The following SLIT2 variants were observed in gnomAD, a reference collection of about 807,000 sequenced individuals.
The protein encoded by SLIT2 is slit homolog 2 protein.
A neutral mutation model predicts 185.7 loss-of-function variants in SLIT2; 41 were observed. The observed-to-expected ratio is 0.22, with a 90% CI of 0.17 to 0.29. The LOEUF is 0.29. SLIT2 is among the 10% of genes least tolerant of loss of function. SLIT2 has a pLI of 1.00. For missense variants in SLIT2, 1,571 were observed against 1,909.0 expected (o/e 0.82, Z 3.30); for synonymous variants, 693 against 680.2 (o/e 1.02, Z -0.29).
intron 9 of SLIT2, among the ~76,000 whole-genome samples, chr4:20,498,890 T>A (rs1019335543): frequency 2.6e-5 from 4 of 152,228 alleles, no homozygotes; most frequent in Admixed American, 2.6e-4. Flanking sequence ...TGAGTGAAAG[T>A]GTCTTATATA....
intron 5 of SLIT2, among the ~76,000 whole-genome samples, chr4:20,476,841 G>A (rs1423658388): frequency 6.6e-6 from 1 of 152,152 alleles, no homozygotes; most frequent in Admixed American, 6.6e-5. Context: ...GTTTCAGGAT[G>A]CCAAGTAAGC....
At chr4:20,427,482 A>G (rs563726431) in intron 4 of SLIT2, among the ~76,000 whole-genome samples, 3 of 152,314 alleles carry the variant, frequency 2.0e-5, no homozygotes, top group Non-Finnish European at 2.9e-5. Context: ...CTAAAAGTTG[A>G]AAGCATATGG....
In SLIT2 at chr4:20,555,853, T is replaced by C. The variant is rs183276649; in HGVS notation, c.2725+1885T>C. The stretch of plus-strand genomic sequence containing the variant: ...GATCCCCCTTAATATATTGCATTGT[T>C]TTTTTCTTAAACTGTATTTTCTCCT... On this transcript the variant is annotated intron_variant, in intron 26 of 36. Transcript: ENST00000504154. 7.0e-4 allele frequency among the ~76,000 whole-genome samples: 106 copies of C among 152,140 alleles called. 5 individuals carry two copies. The highest frequency in any genetic ancestry group is 2.2e-3 in the African/African-American group (91 of 41,440).
intron 9 of SLIT2, among the ~76,000 whole-genome samples, chr4:20,505,641 TTA>T (rs1191504008): frequency 6.6e-6 from 1 of 152,040 alleles, no homozygotes; most frequent in Non-Finnish European, 1.5e-5. Context: ...ACCAAAACCA[TTA>T]GTTTATTTTA....
At chr4:20,354,891 G>A (rs928439949) in intron 4 of SLIT2, among the ~76,000 whole-genome samples, 1 of 49,556 alleles carries the variant, frequency 2.0e-5, no homozygotes, top group African/African-American at 1.0e-4. Flanking sequence ...GTCTGCGTGT[G>A]TGTGTGTGTG....
chr4:20,481,597 T>A (rs1716709043), intron 6 of SLIT2, among the ~76,000 whole-genome samples: 1 of 152,220 alleles, frequency 6.6e-6, no homozygotes, highest in Admixed American at 6.5e-5. Context: ...GAAAATTTAG[T>A]CAGAAATCTA....
chr4:20,373,228 T>C (rs1382257581), intron 4 of SLIT2, among the ~76,000 whole-genome samples: 2 of 152,140 alleles, frequency 1.3e-5, no homozygotes, highest in Non-Finnish European at 2.9e-5. Context: ...ATTATCATAC[T>C]CAAGAAAACT....
chr4:20,511,593 T>TTATTTTTTTTA (rs1553915386), intron 11 of SLIT2, among the ~76,000 whole-genome samples: 1 of 134,246 alleles, frequency 7.4e-6, no homozygotes, highest in South Asian at 2.4e-4. Flanking sequence ...GCTAATTTTT[T>TTATTTTTTTTA]TTTTTTTTTT....
At chr4:20,412,617 T>A (rs1727346005) in intron 4 of SLIT2, among the ~76,000 whole-genome samples, 1 of 152,068 alleles carries the variant, frequency 6.6e-6, no homozygotes, top group Non-Finnish European at 1.5e-5. Context: ...GCCTGATAAG[T>A]TACCTTATTA....
chr4:20,537,469 A>G (rs1722399958), intron 18 of SLIT2, among the ~76,000 whole-genome samples: 1 of 151,922 alleles, frequency 6.6e-6, no homozygotes, highest in Admixed American at 6.6e-5. Context: ...ACACAGTTGA[A>G]CCCGAAACAC....
intron 4 of SLIT2, among the ~76,000 whole-genome samples, chr4:20,285,048 T>G (rs534464418): frequency 6.6e-6 from 1 of 152,358 alleles, no homozygotes; most frequent in Admixed American, 6.5e-5. Context: ...CATCCAGCAA[T>G]TTATTCCTTT....
chr4:20,404,830 T>A (rs1391305321), intron 4 of SLIT2, among the ~76,000 whole-genome samples: 1 of 152,066 alleles, frequency 6.6e-6, no homozygotes, highest in African/African-American at 2.4e-5. Context: ...CATTACAGTA[T>A]CTTGTAAAGA....
At chr4:20,606,263 G>A (rs1728790647) in intron 33 of SLIT2, among the ~76,000 whole-genome samples, 1 of 152,120 alleles carries the variant, frequency 6.6e-6, no homozygotes, top group Non-Finnish European at 1.5e-5. Context: ...GGGAGGCCAA[G>A]CCAGGAAGAT....
intron 31 of SLIT2, 60 bp downstream of exon 31, chr4:20,595,894 A>G (rs1560225637): frequency 1.2e-5 from 16 of 1,337,526 alleles, no homozygotes; most frequent in Non-Finnish European, 1.4e-5. Context: ...CAGGGTGACT[A>G]TAGTCAGTAA....
chr4:20,268,939 G>A, intron 4 of SLIT2, 58 bp downstream of exon 4: 3 of 1,025,978 alleles, frequency 2.9e-6, no homozygotes, highest in Non-Finnish European at 3.1e-6. Flanking sequence ...TTTATTAAAT[G>A]TATTTTGGAT....
At chr4:20,463,947 C>T (rs939302574) in intron 4 of SLIT2, among the ~76,000 whole-genome samples, 1 of 151,750 alleles carries the variant, frequency 6.6e-6, no homozygotes, top group Non-Finnish European at 1.5e-5. Context: ...GATTTCCCAA[C>T]TTCATTAATG....
intron 4 of SLIT2, among the ~76,000 whole-genome samples, chr4:20,347,345 A>T (rs2109252248): frequency 6.6e-6 from 1 of 152,344 alleles, no homozygotes; most frequent in South Asian, 2.1e-4. Flanking sequence ...ACTTTGCCAA[A>T]TATTTAAGTA....
chr4:20,305,610 T>C (rs974568772), intron 4 of SLIT2, among the ~76,000 whole-genome samples: 2 of 151,782 alleles, frequency 1.3e-5, no homozygotes, highest in African/African-American at 4.8e-5. Flanking sequence ...TGGTGGCTCA[T>C]GCCTATAATC....
intron 4 of SLIT2, among the ~76,000 whole-genome samples, chr4:20,388,925 A>G (rs953953861): frequency 2.7e-5 from 4 of 145,862 alleles, no homozygotes; most frequent in African/African-American, 9.9e-5. Flanking sequence ...TATATATAAT[A>G]TATAATATAT....
Sources: allele counts gnomAD v4.1 joint callset (sites outside exome capture counted in the v4.1 genomes callset), GRCh38; gene constraint gnomAD v4.1.1; transcripts MANE v1.5; gene names NCBI Gene and HGNC (gene_info 2026-07-23, HGNC 2026-07-21).